Variants in MEGF11 observed in about 807,000 individuals in gnomAD.
MEGF11 encodes the protein multiple epidermal growth factor-like domains protein 11.
A neutral mutation model predicts 146.6 loss-of-function variants in MEGF11; 126 were observed. The ratio of observed to expected loss-of-function variants is 0.86; its 90% CI spans 0.74 to 1.00. MEGF11 has a LOEUF of 1.00. Among genes scored for constraint, MEGF11 ranks in the 50% least tolerant of loss-of-function variants. The pLI is 0.00. For missense variants in MEGF11, 1,509 were observed against 1,521.2 expected (o/e 0.99, Z 0.13); for synonymous variants, 532 against 583.4 (o/e 0.91, Z 1.27).
intron 10 of MEGF11, among the ~76,000 whole-genome samples, chr15:65,954,952 T>A (rs999526897): frequency 1.1e-4 from 16 of 152,230 alleles, no homozygotes; most frequent in African/African-American, 3.6e-4. Context: ...TTCCCACTCC[T>A]ATGTATACAC....
chr15:66,002,349 G>A (rs1235679272), intron 5 of MEGF11, among the ~76,000 whole-genome samples: 1 of 152,168 alleles, frequency 6.6e-6, no homozygotes, highest in Non-Finnish European at 1.5e-5. Flanking sequence ...CTCTCTAGGG[G>A]TGAGGACGGG....
At position 65,918,238 on chromosome 15, in the gene MEGF11, GT is replaced by G. The variant is rs1223221030; in HGVS notation, c.1958-145del. On this transcript the variant is annotated intron_variant, in intron 15 of 25. Transcript: ENST00000395614. Reference sequence around the variant, plus strand: ...CTGGATGGAGACCACGCCCGCCTTGGTACCCTTGTCACCCTTCTCCATTTGC... The same window carrying G: ...CTGGATGGAGACCACGCCCGCCTTGGACCCTTGTCACCCTTCTCCATTTGC... 2.6e-6 allele frequency: 3 copies of G among 1,157,488 alleles called. No individual in the cohort carries two copies. In the East Asian group the frequency reaches 7.4e-5, roughly 28 times the overall value. 71.7% of individuals were successfully genotyped at this position (1,157,488 alleles called of 1,614,324 possible).
chr15:66,155,277 T>G (rs1408270654), intron 1 of MEGF11, among the ~76,000 whole-genome samples: 1 of 151,824 alleles, frequency 6.6e-6, no homozygotes, highest in Admixed American at 6.6e-5. Context: ...CGCTATGGGG[T>G]AAGGGCTCAG....
intron 1 of MEGF11, among the ~76,000 whole-genome samples, chr15:66,137,073 C>A (rs997245081): frequency 6.6e-6 from 1 of 152,126 alleles, no homozygotes; most frequent in African/African-American, 2.4e-5. Context: ...CTGAAGCAAC[C>A]TAAATGCCCA....
At chr15:66,199,653 G>A (rs1050884374) in intron 1 of MEGF11, among the ~76,000 whole-genome samples, 3 of 152,200 alleles carry the variant, frequency 2.0e-5, no homozygotes, top group Admixed American at 6.5e-5. Flanking sequence ...TCTGGGCATA[G>A]TGATGTGTTC....
chr15:66,132,018 C>A lies in MEGF11; in HGVS notation c.-8-3607G>T, dbSNP rs1040480738. On this transcript the variant is annotated intron_variant, in intron 1 of 25. Coordinates refer to ENST00000395614, the MANE Select transcript of MEGF11 (RefSeq NM_001385028.1). ...ACTCAAGGGCCTCTTATGCCTGGCA[C>A]CTGGTGTTAAAGGAAAATGCCGCCA... 5.3e-5 allele frequency among the ~76,000 whole-genome samples: 8 copies of A among 152,192 alleles called. No individual in the cohort carries two copies. The East Asian group carries it at 1.5e-3, about 29-fold the overall frequency.
intron 7 of MEGF11, among the ~76,000 whole-genome samples, chr15:65,971,711 C>T (rs1358298937): frequency 6.6e-6 from 1 of 152,164 alleles, no homozygotes; most frequent in East Asian, 1.9e-4. Flanking sequence ...CCTGACATCT[C>T]CCTCCACCCC....
intron 5 of MEGF11, among the ~76,000 whole-genome samples, chr15:66,016,480 T>TC (rs1491534305): frequency 1.3e-3 from 2 of 1,594 alleles, no homozygotes; most frequent in Admixed American, 0.012. Flanking sequence ...ATCCATTCAG[T>TC]TTTTTTTTTT....
chr15:65,905,500 G>T (rs2078599944), intron 24 of MEGF11: 1 of 152,230 alleles, frequency 6.6e-6, no homozygotes, highest in African/African-American at 2.4e-5. Flanking sequence ...CCTAGGGCAG[G>T]ACCTGACCTT....
At chr15:65,973,257 C>G (rs1596936560) in intron 7 of MEGF11, among the ~76,000 whole-genome samples, 2 of 152,264 alleles carry the variant, frequency 1.3e-5, no homozygotes, top group East Asian at 3.9e-4. Context: ...TGCTGCAGGC[C>G]TGGAGAGCAA....
At chr15:66,013,029 CG>C in intron 5 of MEGF11, among the ~76,000 whole-genome samples, 1 of 152,348 alleles carries the variant, frequency 6.6e-6, no homozygotes, top group East Asian at 1.9e-4. Flanking sequence ...TCTCCTCTTT[CG>C]CCTTGTCATT....
chr15:66,141,277 TGTGTGTGTGTGTGA>T (rs1414845773), intron 1 of MEGF11, among the ~76,000 whole-genome samples: 29 of 126,792 alleles, frequency 2.3e-4, no homozygotes, highest in African/African-American at 7.6e-4. Flanking sequence ...TGTGTGTGTG[TGTGTGTGTGTGTGA>T]GAGAGAGAGA....
At chr15:66,161,333 C>T (rs567771880) in intron 1 of MEGF11, among the ~76,000 whole-genome samples, 1 of 152,262 alleles carries the variant, frequency 6.6e-6, no homozygotes, top group Non-Finnish European at 1.5e-5. Flanking sequence ...CTCAGGAGTA[C>T]CCTGTGGCAG....
At chr15:66,248,508 C>A (rs1017413741) in intron 1 of MEGF11, among the ~76,000 whole-genome samples, 4 of 152,210 alleles carry the variant, frequency 2.6e-5, no homozygotes, top group African/African-American at 9.7e-5. Flanking sequence ...AGTATTCAAT[C>A]TATATTTGAT....
intron 1 of MEGF11, among the ~76,000 whole-genome samples, chr15:66,152,781 C>T (rs554019547): frequency 1.3e-5 from 2 of 152,354 alleles, no homozygotes; most frequent in South Asian, 4.1e-4. Flanking sequence ...CAGTGGGTGG[C>T]CAGCACGCTT....
chr15:66,057,785 A>G (rs1375120883), intron 5 of MEGF11, among the ~76,000 whole-genome samples: 2 of 152,222 alleles, frequency 1.3e-5, no homozygotes. Context: ...AAAAAAGGAA[A>G]CAAACTAGGA....
intron 5 of MEGF11, among the ~76,000 whole-genome samples, chr15:66,067,724 T>C (rs2085194144): frequency 6.6e-6 from 1 of 152,226 alleles, no homozygotes; most frequent in African/African-American, 2.4e-5. Context: ...CAGCAGTGGC[T>C]GGAAGCAGAT....
intron 11 of MEGF11, among the ~76,000 whole-genome samples, chr15:65,930,473 C>T (rs1262588774): frequency 6.6e-6 from 1 of 152,192 alleles, no homozygotes; most frequent in African/African-American, 2.4e-5. Context: ...CGTCCCACCT[C>T]TTACCAGGTG....
At chr15:66,172,986 G>A (rs35913698) in intron 1 of MEGF11, among the ~76,000 whole-genome samples, 4,346 of 152,166 alleles carry the variant, frequency 0.029, 69 homozygotes, top group Middle Eastern at 0.075. Context: ...GGCTACCCTG[G>A]GAGGGGAGTG....
Sources: allele counts gnomAD v4.1 joint callset (sites outside exome capture counted in the v4.1 genomes callset), GRCh38; gene constraint gnomAD v4.1.1; transcripts MANE v1.5; gene names NCBI Gene and HGNC (gene_info 2026-07-23, HGNC 2026-07-21).